The following DACH2 variants were observed in gnomAD, a reference collection of about 807,000 sequenced individuals.
DACH2 encodes dachshund homolog 2.
A neutral mutation model predicts 35.8 loss-of-function variants in DACH2; 17 were observed. The observed-to-expected ratio is 0.48, with a 90% confidence interval of 0.33 to 0.71. The LOEUF (loss-of-function observed/expected upper bound fraction) is 0.71, where lower values mean the gene tolerates loss of function less well. DACH2 is among the 30% of genes least tolerant of loss of function. DACH2 has a pLI of 0.02. For missense variants in DACH2, 469 were observed against 472.7 expected, an observed-to-expected ratio of 0.99 and a Z score of 0.07; for synonymous variants, 195 against 177.3, an observed-to-expected ratio of 1.10 and a Z score of -0.79.
chrX:86,190,804 C>T (rs1262860640), intron 1 of DACH2, among the ~76,000 whole-genome samples: 2 of 111,044 alleles, frequency 1.8e-5, no homozygotes, highest in African/African-American at 3.3e-5. Context: ...ATTAGCTGGG[C>T]GTGGTGGCTC....
At chrX:86,166,936 T>C (rs2147869436) in intron 1 of DACH2, among the ~76,000 whole-genome samples, 1 of 111,975 alleles carries the variant, frequency 8.9e-6, no homozygotes, top group East Asian at 2.8e-4. Context: ...TTGATCTTTC[T>C]AATGTATTCC....
chrX:86,494,075 G>A (rs1028461139), intron 2 of DACH2, among the ~76,000 whole-genome samples: 1 of 111,762 alleles, frequency 8.9e-6, no homozygotes, highest in Non-Finnish European at 1.9e-5. Context: ...AATGGAGAGA[G>A]TACTGGCCCT....
chrX:86,405,357 T>C (rs944623664), intron 2 of DACH2, among the ~76,000 whole-genome samples: 1 of 111,352 alleles, frequency 9.0e-6, no homozygotes, highest in African/African-American at 3.3e-5. Flanking sequence ...TACCCTAAAT[T>C]ATCTCTCTCA....
chrX:86,700,045 G>A (rs1430482242), intron 5 of DACH2, among the ~76,000 whole-genome samples: 3 of 111,399 alleles, frequency 2.7e-5, no homozygotes, highest in African/African-American at 9.8e-5. Flanking sequence ...TTTTACTATC[G>A]TGCTGTCCAA....
chrX:86,337,912 C>A (rs1210597336), intron 1 of DACH2, among the ~76,000 whole-genome samples: 1 of 102,417 alleles, frequency 9.8e-6, no homozygotes, highest in Non-Finnish European at 1.9e-5. Context: ...GGGTTGCAGA[C>A]CTAGTCTCTG....
chrX:86,182,207 A>G (rs2031517670), intron 1 of DACH2, among the ~76,000 whole-genome samples: 1 of 111,882 alleles, frequency 8.9e-6, no homozygotes, highest in Non-Finnish European at 1.9e-5. Flanking sequence ...CAGTTTGTCA[A>G]TTTTGGCTTT....
intron 2 of DACH2, among the ~76,000 whole-genome samples, chrX:86,485,005 CTT>C (rs1569417835): frequency 1.8e-5 from 2 of 111,183 alleles, no homozygotes; most frequent in Non-Finnish European, 3.8e-5. Context: ...TCTCCGTCCA[CTT>C]TATTCTTAGA....
At chrX:86,354,113 T>A (rs1357323904) in intron 1 of DACH2, among the ~76,000 whole-genome samples, 2 of 31,325 alleles carry the variant, frequency 6.4e-5, no homozygotes, top group Non-Finnish European at 1.0e-4. Flanking sequence ...TCAAAACCAC[T>A]ATGAGATATC....
intron 3 of DACH2, among the ~76,000 whole-genome samples, chrX:86,635,216 G>T (rs753067834): frequency 4.7e-4 from 51 of 109,396 alleles, no homozygotes; most frequent in Admixed American, 2.1e-3. Context: ...GCTTCAACAT[G>T]CACAAATCAA....
intron 4 of DACH2, among the ~76,000 whole-genome samples, chrX:86,675,926 A>G (rs1252199738): frequency 1.8e-5 from 2 of 111,734 alleles, no homozygotes; most frequent in African/African-American, 6.5e-5. Context: ...TTTTGAAACA[A>G]TTTCAGTGAA....
chrX:86,168,677 T>A (rs1464601988), intron 1 of DACH2, among the ~76,000 whole-genome samples: 1 of 110,327 alleles, frequency 9.1e-6, no homozygotes, highest in Non-Finnish European at 1.9e-5. Context: ...CTTTTGCATG[T>A]CTTTTGGTTT....
At chrX:86,765,759 G>T (rs1364877067) in intron 7 of DACH2, among the ~76,000 whole-genome samples, 5 of 35,268 alleles carry the variant, frequency 1.4e-4, no homozygotes, top group Non-Finnish European at 2.5e-4. Flanking sequence ...GCTTTTTTTG[G>T]TTCCAAATGA....
rs770077433 is a variant in DACH2 at position 86,823,700 on chromosome X, A to G, written c.1750+7601A>G. Among the ~76,000 whole-genome samples, 7 of 112,057 alleles carry G rather than the reference A, an allele frequency of 6.2e-5. No homozygotes were observed. The South Asian group carries it at 2.6e-3, about 42-fold the overall frequency. On this transcript the variant is annotated intron_variant, in intron 11 of 11. Coordinates refer to ENST00000373125, the MANE Select transcript of DACH2 (RefSeq NM_053281.3). ...AGTGTCGGCTGGCTGAGAAATAAAG[A>G]GAAAGAGTACAAAGAGAGTAATTTT... is the stretch of plus-strand genomic sequence containing the variant.
chrX:86,300,656 G>T, intron 1 of DACH2, among the ~76,000 whole-genome samples: 1 of 111,281 alleles, frequency 9.0e-6, no homozygotes, highest in Non-Finnish European at 1.9e-5. Context: ...TGCACATTGT[G>T]CACATGTACC....
chrX:86,277,898 A>C (rs1478704292), intron 1 of DACH2, among the ~76,000 whole-genome samples: 1 of 112,045 alleles, frequency 8.9e-6, no homozygotes, highest in Non-Finnish European at 1.9e-5. Context: ...AAAAATAAAA[A>C]AAAATTGTCA....
At chrX:86,313,924 C>A (rs1346814409) in intron 1 of DACH2, among the ~76,000 whole-genome samples, 1 of 111,876 alleles carries the variant, frequency 8.9e-6, no homozygotes, top group Non-Finnish European at 1.9e-5. Flanking sequence ...TCTTGCAATA[C>A]TGCAAATGGT....
At chrX:86,616,636 C>A (rs1038419432) in intron 3 of DACH2, among the ~76,000 whole-genome samples, 20 of 111,933 alleles carry the variant, frequency 1.8e-4, no homozygotes, top group African/African-American at 6.2e-4. Context: ...TTGTAAATTT[C>A]TTTAAGTTCC....
chrX:86,695,927 G>A lies in DACH2; in HGVS notation c.931+748G>A, dbSNP rs147924763. Among the ~76,000 whole-genome samples the A allele has an allele frequency of 5.2e-3, 579 of 111,172 alleles. 3 individuals carry two copies. The highest frequency in any genetic ancestry group is 0.018 in the African/African-American group (554 of 30,588). ...AAAAATACATCCACTTAAGGTTACC[G>A]TGAGATCTCAGGATAATAAAATAAA... is the stretch of plus-strand genomic sequence containing the variant. On this transcript the variant is annotated intron_variant, in intron 5 of 11. Coordinates refer to ENST00000373125, the MANE Select transcript of DACH2 (RefSeq NM_053281.3).
intron 1 of DACH2, among the ~76,000 whole-genome samples, chrX:86,246,699 C>A (rs1222398598): frequency 2.7e-5 from 3 of 112,106 alleles, no homozygotes; most frequent in Non-Finnish European, 5.6e-5. Context: ...CAGTTACCAG[C>A]CACCACGAAA....
Sources: gnomAD v4.1 joint callset for allele counts (sites outside exome capture counted in the v4.1 genomes callset) on GRCh38, gnomAD v4.1.1 for gene constraint, MANE v1.5 for transcripts, NCBI Gene and HGNC (gene_info 2026-07-23, HGNC 2026-07-21) for gene names.